The following DZIP3 variants were observed in gnomAD, a reference collection of about 807,000 sequenced individuals.
The protein encoded by DZIP3 is DAZ interacting zinc finger protein 3, also known as E3 ubiquitin-protein ligase DZIP3.
In DZIP3, 118 loss-of-function variants were observed where a neutral mutation model predicts 162.0. The ratio of observed to expected loss-of-function variants is 0.73; its 90% CI spans 0.63 to 0.85. The LOEUF is 0.85. Among genes scored for constraint, DZIP3 ranks in the 40% least tolerant of loss-of-function variants. The pLI, the probability that DZIP3 is intolerant of heterozygous loss-of-function variation, is 0.00. For missense variants in DZIP3, 1,331 were observed against 1,407.0 expected (o/e 0.95, Z 0.86); for synonymous variants, 438 against 458.6 (o/e 0.96, Z 0.57).
chr3:108,658,873 A>G (rs1174162524), intron 19 of DZIP3, among the ~76,000 whole-genome samples: 1 of 152,228 alleles, frequency 6.6e-6, no homozygotes, highest in Admixed American at 6.5e-5. Flanking sequence ...CTCTACGCAA[A>G]TAAACTAGAA....
chr3:108,617,316 G>T (rs1226359456), intron 5 of DZIP3, among the ~76,000 whole-genome samples: 2 of 152,086 alleles, frequency 1.3e-5, no homozygotes, highest in African/African-American at 2.4e-5. Context: ...TAATTAGCTT[G>T]AGTTAGTCAT....
intron 26 of DZIP3, among the ~76,000 whole-genome samples, chr3:108,678,179 G>A (rs1035680473): frequency 7.3e-5 from 11 of 151,252 alleles, no homozygotes; most frequent in African/African-American, 2.7e-4. Flanking sequence ...ATCTGTCACT[G>A]TCTCCCATCA....
intron 4 of DZIP3, among the ~76,000 whole-genome samples, 155 bp from the exon 5 acceptor site, chr3:108,616,386 A>C (rs901615633): frequency 6.7e-6 from 1 of 150,142 alleles, no homozygotes; most frequent in Non-Finnish European, 1.5e-5. Flanking sequence ...ATATGAGAAC[A>C]GTGTATCTGG....
intron 1 of DZIP3, among the ~76,000 whole-genome samples, chr3:108,602,587 T>G (rs151330377): frequency 6.6e-6 from 1 of 152,312 alleles, no homozygotes; most frequent in African/African-American, 2.4e-5. Flanking sequence ...ACAGGGAAAG[T>G]CTATTGAAAT....
chr3:108,645,869 T>C (rs182889899), intron 14 of DZIP3, among the ~76,000 whole-genome samples: 1 of 152,320 alleles, frequency 6.6e-6, no homozygotes, highest in Admixed American at 6.5e-5. Context: ...ACTTATAAAT[T>C]AGGGTTTTAA....
chr3:108,689,826 T>A (rs1340694551), intron 31 of DZIP3, among the ~76,000 whole-genome samples: 1 of 152,226 alleles, frequency 6.6e-6, no homozygotes, highest in Admixed American at 6.5e-5. Flanking sequence ...TGCAGAGATG[T>A]AATTTGACAC....
chr3:108,690,732 A>G (rs1456486135), intron 31 of DZIP3, 55 bp from the exon 32 acceptor site: 10 of 1,520,568 alleles, frequency 6.6e-6, no homozygotes, highest in East Asian at 4.5e-5. Flanking sequence ...TAGAGTGACA[A>G]CTGCCTCTGC....
At chr3:108,653,297 A>C (rs1228238216) in intron 18 of DZIP3, among the ~76,000 whole-genome samples, 2 of 151,610 alleles carry the variant, frequency 1.3e-5, no homozygotes, top group Non-Finnish European at 3.0e-5. Flanking sequence ...TGTTCTAAAA[A>C]AGTAATAATG....
chr3:108,661,333 TA>T (rs1943421231), intron 19 of DZIP3, among the ~76,000 whole-genome samples: 1 of 152,146 alleles, frequency 6.6e-6, no homozygotes, highest in African/African-American at 2.4e-5. Flanking sequence ...ATGTCCTTTT[TA>T]GGGACATGGA....
Position 108,605,423 on chromosome 3 carries a change from A to G in DZIP3, c.17A>G (p.Asp6Gly), listed in dbSNP as rs141296851. 1,975 of 1,613,382 alleles carry G rather than the reference A, an allele frequency of 1.2e-3. 25 individuals carry two copies. The African/African-American group carries it at 0.024, about 19-fold the overall frequency. Residue 6 changes from aspartate to glycine, a missense_variant, in exon 2 of 33, where the codon GAT becomes GGT. Coordinates refer to ENST00000361582, the MANE Select transcript of DZIP3 (RefSeq NM_014648.4). The part of the protein sequence containing the change: MDSLP[D>G]EFFVRHPAVE... ...TTGTGCAGCATGGATTCTCTACCAG[A>G]TGAATTTTTTGTGAGGTAAGGCCAC...
At chr3:108,606,941 G>A (rs773123507) in intron 2 of DZIP3, among the ~76,000 whole-genome samples, 10 of 152,156 alleles carry the variant, frequency 6.6e-5, no homozygotes, top group Non-Finnish European at 8.8e-5. Flanking sequence ...ATCATGAAAT[G>A]GAGTTTGCTG....
At chr3:108,589,902 C>T (rs914378703) in intron 1 of DZIP3, 63 bp downstream of exon 1, 2 of 152,428 alleles carry the variant, frequency 1.3e-5, no homozygotes, top group Non-Finnish European at 2.9e-5. Context: ...GGAGGGGCCT[C>T]GTTTTTAAAT....
chr3:108,611,075 T>G, intron 3 of DZIP3, 99 bp from the exon 4 acceptor site: 10 of 1,180,262 alleles, frequency 8.5e-6, no homozygotes, highest in Non-Finnish European at 1.1e-5. Flanking sequence ...CAAGGGAAAA[T>G]GAGCTTTGTT....
intron 21 of DZIP3, 73 bp from the exon 22 acceptor site, chr3:108,669,608 G>C (rs1023451102): frequency 7.2e-7 from 1 of 1,395,410 alleles, no homozygotes; most frequent in African/African-American, 1.4e-5. Context: ...CACAGCTGTA[G>C]TTAGAGCTCT....
rs1941025818 is a variant in DZIP3, at chr3:108,616,547, G to A, written c.265G>A (p.Val89Ile). The A allele has an allele frequency of 6.2e-7, 1 of 1,605,712 alleles. No homozygotes were observed. The highest frequency in any genetic ancestry group is 1.3e-5 in the African/African-American group (1 of 74,412). Residue 89 changes from valine to isoleucine, a missense_variant, in exon 5 of 33, where the codon GTT (valine) becomes ATT (isoleucine). This residue lies in a region of DZIP3 where 1,278 missense variants were observed against 1,317.1 expected (regional missense o/e 0.97). Coordinates refer to ENST00000361582, the MANE Select transcript of DZIP3 (RefSeq NM_014648.4). Reference protein sequence around the residue: ...DFSFQTMQREVAANSQNGEEI... With the variant: ...DFSFQTMQREIAANSQNGEEI... ...ACTGAATAATTTTCCACAGAGAGAA[G>A]TTGCAGCTAACAGCCAGAATGGTGA...
chr3:108,633,456 C>T (rs979029830), intron 9 of DZIP3, among the ~76,000 whole-genome samples: 3 of 151,906 alleles, frequency 2.0e-5, no homozygotes, highest in Non-Finnish European at 4.4e-5. Context: ...GCTGTCACTC[C>T]GCAGGAATGA....
At chr3:108,678,940 G>C (rs1012815895) in intron 26 of DZIP3, among the ~76,000 whole-genome samples, 1 of 151,986 alleles carries the variant, frequency 6.6e-6, no homozygotes, top group Non-Finnish European at 1.5e-5. Flanking sequence ...TACATCATGG[G>C]CTTTAGTTTA....
intron 1 of DZIP3, among the ~76,000 whole-genome samples, chr3:108,597,256 T>C (rs1939760575): frequency 6.6e-6 from 1 of 152,258 alleles, no homozygotes; most frequent in Non-Finnish European, 1.5e-5. Context: ...TTTCTGCTTT[T>C]TCTTTTTATA....
At chr3:108,594,820 T>G (rs1939625003) in intron 1 of DZIP3, among the ~76,000 whole-genome samples, 1 of 152,224 alleles carries the variant, frequency 6.6e-6, no homozygotes, top group Non-Finnish European at 1.5e-5. Context: ...TAAAAATCAT[T>G]TATTTTATGC....
Sources: allele counts gnomAD v4.1 joint callset (sites outside exome capture counted in the v4.1 genomes callset), GRCh38; gene constraint gnomAD v4.1.1; regional missense constraint gnomAD v4.1.1; transcripts MANE v1.5; gene names NCBI Gene and HGNC (gene_info 2026-07-23, HGNC 2026-07-21).